The following SEPTIN9 variants were observed in gnomAD, a reference collection of about 807,000 sequenced individuals.
SEPTIN9 encodes the protein septin-9.
SEPTIN9 carries 13 observed loss-of-function variants against 56.6 expected under a neutral mutation model. The ratio of observed to expected loss-of-function variants is 0.23; its 90% confidence interval spans 0.15 to 0.37. The LOEUF (loss-of-function observed/expected upper bound fraction) is 0.37. SEPTIN9 is among the 10% of genes least tolerant of loss of function. The pLI, the probability that SEPTIN9 is intolerant of heterozygous loss-of-function variation, is 1.00. For synonymous variants in SEPTIN9, 332 were observed against 334.1 expected (o/e 0.99, Z 0.07); for missense variants, 650 against 823.1 (o/e 0.79, Z 2.57).
rs1029118749 is a variant in SEPTIN9 at position 77,450,103 on chromosome 17, C to T, written c.722-32041C>T. Among the ~76,000 whole-genome samples the T allele has an allele frequency of 3.3e-5, 5 of 152,166 alleles. No individual in the cohort carries two copies. The highest frequency in any genetic ancestry group is 4.8e-5 in the African/African-American group (2 of 41,446). On this transcript the variant is annotated intron_variant, in intron 3 of 11. Transcript: ENST00000427177. The surrounding 1 kb of genome is among the most constrained non-coding windows in gnomAD (Gnocchi z 6.0). ...ACCAGTAGCAGCAGCTCCCCACGGC[C>T]GTTCACTGTGAGGGTGGGGAGGGCC...
rs114251437 is a variant in SEPTIN9, at chr17:77,418,771, C to T, written c.721+16068C>T. Reference sequence around the variant, plus strand: ...CCCTCGGGAGCTCCCCAGCTGGTGACGGGGGACCTTTTGGGGATCACTGCC... The same window carrying T: ...CCCTCGGGAGCTCCCCAGCTGGTGATGGGGGACCTTTTGGGGATCACTGCC... On this transcript the variant is annotated intron_variant, in intron 3 of 11. Coordinates refer to ENST00000427177, the MANE Select transcript of SEPTIN9 (RefSeq NM_001113491.2). Among the ~76,000 whole-genome samples the T allele has an allele frequency of 6.5e-3, 983 of 152,294 alleles. 13 individuals carry two copies. Among genetic ancestry groups the T allele is most frequent in the African/African-American group, 0.022 (929 of 41,566 alleles).
chr17:77,364,076 G>A (rs974611868), intron 2 of SEPTIN9, among the ~76,000 whole-genome samples: 3 of 152,214 alleles, frequency 2.0e-5, no homozygotes, highest in Non-Finnish European at 4.4e-5. Flanking sequence ...AGGGACAAAT[G>A]GTTCATTTAG....
chr17:77,297,405 T>A (rs2031866031), intron 1 of SEPTIN9, among the ~76,000 whole-genome samples: 2 of 152,122 alleles, frequency 1.3e-5, no homozygotes, highest in African/African-American at 4.8e-5. Flanking sequence ...GGAGGATCTT[T>A]ACCACTCAGC....
intron 3 of SEPTIN9, among the ~76,000 whole-genome samples, chr17:77,439,994 G>T (rs1342482770): frequency 6.6e-6 from 1 of 152,116 alleles, no homozygotes; most frequent in Non-Finnish European, 1.5e-5. Context: ...AGGCACCCCA[G>T]GTCCCCTGAT....
rs999467913 is a variant in SEPTIN9, at chr17:77,448,928, T to C, written c.722-33216T>C. 6.6e-5 allele frequency among the ~76,000 whole-genome samples: 10 copies of C among 151,924 alleles called. No individual in the cohort carries two copies. In the South Asian group the frequency reaches 8.3e-4, roughly 13 times the overall value. The stretch of plus-strand genomic sequence containing the variant: ...CCTCCCAAGTAGCTGGGATTACAGG[T>C]GGCTGCTACCATGCCTGGCTAATTT... On this transcript the variant is annotated intron_variant, in intron 3 of 11. Coordinates refer to ENST00000427177, the MANE Select transcript of SEPTIN9 (RefSeq NM_001113491.2).
intron 4 of SEPTIN9, among the ~76,000 whole-genome samples, chr17:77,486,531 C>T (rs55672844): frequency 0.42 from 53,444 of 126,200 alleles, 10,442 homozygotes; most frequent in Middle Eastern, 0.59. Context: ...TGCGCGCACG[C>T]GCGCGCGTGT....
chr17:77,393,943 G>A (rs1568034207), intron 2 of SEPTIN9, among the ~76,000 whole-genome samples: 1 of 152,170 alleles, frequency 6.6e-6, no homozygotes. Flanking sequence ...AGGACACTGA[G>A]GCTCAGAGTA....
intron 11 of SEPTIN9, chr17:77,497,655 A>G (rs2040328116): frequency 1.9e-6 from 1 of 527,684 alleles, no homozygotes. Flanking sequence ...CCCGGTGGCC[A>G]CTAAGGGCCC....
At chr17:77,498,172 G>T (rs893068069) in intron 11 of SEPTIN9, among the ~76,000 whole-genome samples, 1 of 151,936 alleles carries the variant, frequency 6.6e-6, no homozygotes, top group African/African-American at 2.4e-5. Context: ...CCTGGACACC[G>T]GCCTGGAGCA....
At position 77,292,965 on chromosome 17, in the gene SEPTIN9, A is replaced by T. The variant is rs1242245474; in HGVS notation, c.19+11411A>T. Among the ~76,000 whole-genome samples the T allele has an allele frequency of 2.6e-5, 4 of 151,928 alleles. No individual in the cohort carries two copies. The East Asian group carries it at 7.7e-4, about 29-fold the overall frequency. ...TTCATAGGGTATGTAATGGGGTCTA[A>T]CCAGGAAATGGAAACCGCTTGAGCA... On this transcript the variant is annotated intron_variant, in intron 1 of 11. Transcript: ENST00000427177.
In SEPTIN9 at chr17:77,489,715, G is replaced by A. The variant is rs1009459420; in HGVS notation, c.1262+851G>A. On this transcript the variant is annotated intron_variant, in intron 7 of 11. Transcript: ENST00000427177. The stretch of plus-strand genomic sequence containing the variant: ...GGAAGGAGCCTGGCTGGTGGGCAGC[G>A]GGCCTCACCCAGAGTCTGTGGGAAA... Among the ~76,000 whole-genome samples, 77 of 152,164 alleles carry A rather than the reference G, an allele frequency of 5.1e-4. 3 individuals carry two copies. Among genetic ancestry groups the A allele is most frequent in the Admixed American group, 5.0e-3 (76 of 15,284 alleles).
At chr17:77,461,889 G>A (rs77296402) in intron 3 of SEPTIN9, among the ~76,000 whole-genome samples, 1,526 of 152,290 alleles carry the variant, frequency 0.01, 22 homozygotes, top group South Asian at 0.032. Context: ...CAATGGCGTC[G>A]TTCCAGTCCC....
chr17:77,479,388 C>T lies in SEPTIN9; in HGVS notation c.722-2756C>T, dbSNP rs371803276. Among the ~76,000 whole-genome samples the T allele has an allele frequency of 1.3e-4, 20 of 152,342 alleles. 1 individual carries two copies. Among genetic ancestry groups the T allele is most frequent in the African/African-American group, 3.4e-4 (14 of 41,590 alleles). ...AAGGCAGACCCCAAAGCTCACCTGG[C>T]CAGGTAGGAGAGCGAGGCGGGCTCT... On this transcript the variant is annotated intron_variant, in intron 3 of 11. Coordinates refer to ENST00000427177, the MANE Select transcript of SEPTIN9 (RefSeq NM_001113491.2).
intron 2 of SEPTIN9, among the ~76,000 whole-genome samples, chr17:77,325,620 C>T (rs938949267): frequency 2.0e-5 from 3 of 152,188 alleles, no homozygotes; most frequent in South Asian, 2.1e-4. Context: ...TGTGGCTGCC[C>T]GGCCTGCGTG....
chr17:77,456,607 C>T lies in SEPTIN9; in HGVS notation c.722-25537C>T, dbSNP rs117819571. 0.02 allele frequency: 2,990 copies of T among 149,670 alleles called. 70 individuals are homozygous for T. The highest frequency in any genetic ancestry group is 0.055 in the African/African-American group (2,274 of 41,114). 9.3% of individuals were successfully genotyped at this position (149,670 alleles called of 1,614,324 possible). A position where few individuals can be genotyped will look rare whatever the true frequency, so the allele number is the denominator to read the frequency against. On this transcript the variant is annotated intron_variant, in intron 3 of 11. Coordinates refer to ENST00000427177, the MANE Select transcript of SEPTIN9 (RefSeq NM_001113491.2). This position sits in a 1 kb window ranked among gnomAD's most constrained non-coding sequence, Gnocchi z 6.0. ...CAGGGATGGGCCCCCACGGCCAGTACCAGATCTCAGGGACCAGCACCGGGT... is the reference window on the plus strand; with the variant it reads ...CAGGGATGGGCCCCCACGGCCAGTATCAGATCTCAGGGACCAGCACCGGGT...
intron 2 of SEPTIN9, among the ~76,000 whole-genome samples, chr17:77,378,686 T>TG (rs966770173): frequency 6.6e-6 from 1 of 152,170 alleles, no homozygotes; most frequent in African/African-American, 2.4e-5. Context: ...AGCGCCCGCC[T>TG]GGGGGTCCCT....
chr17:77,401,236 G>C (rs4789492), intron 2 of SEPTIN9, among the ~76,000 whole-genome samples: 1 of 152,110 alleles, frequency 6.6e-6, no homozygotes, highest in Non-Finnish European at 1.5e-5. Context: ...GAGCTCGGTA[G>C]GCCCGGCGCC....
intron 1 of SEPTIN9, among the ~76,000 whole-genome samples, chr17:77,298,303 C>T (rs1192559238): frequency 6.6e-6 from 1 of 152,248 alleles, no homozygotes; most frequent in African/African-American, 2.4e-5. Flanking sequence ...CCCATCTCCC[C>T]TCACTAAGTT....
At chr17:77,463,473 A>G (rs1281209595) in intron 3 of SEPTIN9, among the ~76,000 whole-genome samples, 1 of 152,148 alleles carries the variant, frequency 6.6e-6, no homozygotes, top group Non-Finnish European at 1.5e-5. Flanking sequence ...ACTCTAGTAT[A>G]TCGACTTTGG....
Sources: gnomAD v4.1 joint callset for allele counts (sites outside exome capture counted in the v4.1 genomes callset) on GRCh38, gnomAD v4.1.1 for gene constraint, Gnocchi (gnomAD v3.1) non-coding constraint, MANE v1.5 for transcripts, NCBI Gene and HGNC (gene_info 2026-07-23, HGNC 2026-07-21) for gene names.